B4GALT1: variants seen among roughly 807,000 people sequenced by gnomAD.
B4GALT1 encodes the protein beta-1,4-galactosyltransferase 1, also known as N-acetyllactosamine synthase.
Under a neutral mutation model 34.9 loss-of-function variants are expected in B4GALT1, and 16 were observed. The observed-to-expected ratio is 0.46, with a 90% CI of 0.31 to 0.70. The LOEUF is 0.70. Among genes scored for constraint, B4GALT1 ranks in the 30% least tolerant of loss-of-function variants. B4GALT1 has a pLI of 0.05. For synonymous variants in B4GALT1, 221 were observed against 218.1 expected (o/e 1.01, Z -0.12); for missense variants, 445 against 530.5 (o/e 0.84, Z 1.58).
chr9:33,116,962 C>T (rs995611607), intron 3 of B4GALT1, among the ~76,000 whole-genome samples: 5 of 152,340 alleles, frequency 3.3e-5, no homozygotes, highest in Non-Finnish European at 5.9e-5. Flanking sequence ...CTTTCTACAA[C>T]ACAGTGCTGT....
At chr9:33,137,568 C>A (rs1217181771) in intron 1 of B4GALT1, among the ~76,000 whole-genome samples, 7 of 152,196 alleles carry the variant, frequency 4.6e-5, no homozygotes, top group African/African-American at 1.7e-4. Context: ...TCAGTGGTCA[C>A]CCTGGACAAG....
chr9:33,123,054 G>T (rs1840044258), intron 2 of B4GALT1, among the ~76,000 whole-genome samples: 1 of 152,108 alleles, frequency 6.6e-6, no homozygotes, highest in Admixed American at 6.6e-5. Flanking sequence ...CAAGGCGGTG[G>T]ATCACCTCAG....
the B4GALT1 span, among the ~76,000 whole-genome samples, chr9:33,184,228 A>G: frequency 6.7e-6 from 1 of 149,342 alleles, no homozygotes; most frequent in Non-Finnish European, 1.5e-5. Context: ...GAAAAATAAA[A>G]CAAAATAAAA....
At chr9:33,147,245 C>CTTT (rs59219360) in intron 1 of B4GALT1, among the ~76,000 whole-genome samples, 1 of 136,522 alleles carries the variant, frequency 7.3e-6, no homozygotes, top group South Asian at 2.3e-4. Context: ...ACAAGTCATT[C>CTTT]TTTTTTTTTT....
chr9:33,116,388 C>A (rs548267731), intron 3 of B4GALT1, among the ~76,000 whole-genome samples: 1 of 151,996 alleles, frequency 6.6e-6, no homozygotes, highest in Non-Finnish European at 1.5e-5. Flanking sequence ...CCTGCCACCA[C>A]GCCCAGCTAA....
chr9:33,141,229 G>C (rs548910249), intron 1 of B4GALT1, among the ~76,000 whole-genome samples: 2 of 152,300 alleles, frequency 1.3e-5, no homozygotes, highest in Admixed American at 6.5e-5. Flanking sequence ...TTGAGGCTGG[G>C]CATGGTGGCT....
chr9:33,172,926 G>C, the B4GALT1 span, among the ~76,000 whole-genome samples: 1 of 151,522 alleles, frequency 6.6e-6, no homozygotes. Flanking sequence ...CCAGGATAGG[G>C]AGGGGTAAGG....
the B4GALT1 span, among the ~76,000 whole-genome samples, chr9:33,183,564 C>T: frequency 5.1e-3 from 669 of 131,168 alleles, 7 homozygotes; most frequent in African/African-American, 0.019. Flanking sequence ...TATTCTCACT[C>T]ATAGGTGGGA....
In B4GALT1 at chr9:33,120,604, C is replaced by T. The variant is rs373709745; in HGVS notation, c.651G>A (p.Ala217=). 22 of 1,613,966 alleles carry T rather than the reference C, an allele frequency of 1.4e-5. No individual in the cohort carries two copies. The highest frequency in any genetic ancestry group is 1.7e-5 in the Non-Finnish European group (20 of 1,180,024). ...TAGCACGATTGAATATAGTGTCTCC[C>T]GCCTGGTGCAGAAACAAAAACAGTG... The part of the protein sequence containing the change: ...LDYGIYVINQ[A]GDTIFNRAKL... Residue 217 remains alanine (A), a splice_region_variant and synonymous_variant, in exon 3 of 6, where the codon GCG becomes GCA. Transcript: ENST00000379731.
chr9:33,169,280 ATC>A (rs1840816545), upstream of B4GALT1, among the ~76,000 whole-genome samples: 1 of 152,070 alleles, frequency 6.6e-6, no homozygotes, highest in Admixed American at 6.6e-5. Flanking sequence ...CCCCACCCAC[ATC>A]TGTCACTCTA....
Position 33,166,771 on chromosome 9 carries a change from C to T in B4GALT1, c.399G>A (p.Glu133=). Residue 133 remains glutamate (E), a synonymous_variant, in exon 1 of 6, where the codon GAG becomes GAA. Coordinates refer to ENST00000379731, the MANE Select transcript of B4GALT1 (RefSeq NM_001497.4). ...TALSLPACPE[E]SPLLVGPMLI... is the part of the protein sequence containing the mutation. ...CCGAGTCCTTACCAAGCAGCGGGGACTCCTCAGGGCAGGCGGGCAGCGACA... is the reference window on the plus strand; with the variant it reads ...CCGAGTCCTTACCAAGCAGCGGGGATTCCTCAGGGCAGGCGGGCAGCGACA... 1.3e-6 allele frequency: 2 copies of T among 1,508,372 alleles called. No individual in the cohort carries two copies. The highest frequency in any genetic ancestry group is 1.8e-6 in the Non-Finnish European group (2 of 1,135,058). 93.4% of individuals were successfully genotyped at this position (1,508,372 alleles called of 1,614,324 possible).
rs1443556577 is a variant in B4GALT1 at position 33,116,061 on chromosome 9, A to G, written c.889T>C (p.Phe297Leu). 6.2e-7 allele frequency: 1 copy of G among 1,613,432 alleles called. No individual in the cohort carries two copies. ...TTAGGAAATCCATTGATGGTTAGAA[A>G]CTGTTGTTTACTTAGAGCAGAGACA... ...GGVSALSKQQ[F>L]LTINGFPNNY... Residue 297 changes from phenylalanine to leucine, a missense_variant, in exon 4 of 6, where the codon TTT becomes CTT. Phe to Leu is a conservative substitution (Grantham distance 22, BLOSUM62 0). This residue lies in a region of B4GALT1 where 7 missense variants were observed against 27.4 expected (regional missense o/e 0.26). Transcript: ENST00000379731.
chr9:33,163,104 G>C (rs967943921), intron 1 of B4GALT1, among the ~76,000 whole-genome samples: 7 of 152,160 alleles, frequency 4.6e-5, no homozygotes, highest in African/African-American at 9.7e-5. Flanking sequence ...AAGGGCGAGA[G>C]AGAGTCCTTT....
intron 1 of B4GALT1, among the ~76,000 whole-genome samples, chr9:33,154,611 T>C (rs1840570770): frequency 1.3e-5 from 2 of 152,226 alleles, no homozygotes; most frequent in African/African-American, 2.4e-5. Context: ...ATGTAGGTGG[T>C]TGTTGATGGA....
upstream of B4GALT1, among the ~76,000 whole-genome samples, chr9:33,170,001 A>C (rs1587758084): frequency 4.2e-5 from 5 of 118,480 alleles, no homozygotes; most frequent in East Asian, 4.9e-4. Flanking sequence ...ACGGAGTCTC[A>C]CTCTGTCACC....
intron 2 of B4GALT1, among the ~76,000 whole-genome samples, chr9:33,134,370 A>C: frequency 6.6e-6 from 1 of 152,256 alleles, no homozygotes; most frequent in East Asian, 1.9e-4. Context: ...GGGTGCTTAG[A>C]TAAGTTAGAT....
upstream of B4GALT1, among the ~76,000 whole-genome samples, chr9:33,169,680 C>T (rs974289459): frequency 2.6e-5 from 4 of 151,950 alleles, no homozygotes; most frequent in South Asian, 4.1e-4. Flanking sequence ...GCCATCACGC[C>T]GGGCTAATTT....
chr9:33,167,741 A>T (rs927773149), upstream of B4GALT1, among the ~76,000 whole-genome samples: 10 of 152,198 alleles, frequency 6.6e-5, no homozygotes, highest in Admixed American at 3.3e-4. Context: ...GCGGGTGGTT[A>T]TCTGGAGTGG....
downstream of B4GALT1, among the ~76,000 whole-genome samples, chr9:33,106,083 T>C (rs1268633865): frequency 6.6e-6 from 1 of 152,194 alleles, no homozygotes; most frequent in Non-Finnish European, 1.5e-5. Flanking sequence ...CTACCAGCAA[T>C]GCACAAGTAT....
Sources: allele counts gnomAD v4.1 joint callset (sites outside exome capture counted in the v4.1 genomes callset), GRCh38; gene constraint gnomAD v4.1.1; regional missense constraint gnomAD v4.1.1; transcripts MANE v1.5; gene names NCBI Gene and HGNC (gene_info 2026-07-23, HGNC 2026-07-21).